PECR: variants seen among roughly 807,000 people sequenced by gnomAD.
PECR encodes the protein peroxisomal trans-2-enoyl-CoA reductase, also known as 2,4-dienoyl-CoA reductase-related protein.
Under a neutral mutation model 35.3 loss-of-function variants are expected in PECR, and 30 were observed. The observed-to-expected ratio is 0.85, with a 90% CI of 0.64 to 1.15. PECR has a LOEUF of 1.15. Ranked by LOEUF, PECR falls within the 50% of genes most tolerant of loss-of-function variation. The pLI, the probability that PECR is intolerant of heterozygous loss-of-function variation, is 0.00. For synonymous variants in PECR, 148 were observed against 138.9 expected (o/e 1.07, Z -0.46); for missense variants, 392 against 370.8 (o/e 1.06, Z -0.47).
At chr2:216,060,727 G>A (rs1695322485) in intron 3 of PECR, among the ~76,000 whole-genome samples, 1 of 152,012 alleles carries the variant, frequency 6.6e-6, no homozygotes, top group Non-Finnish European at 1.5e-5. Context: ...AGGGAACTAG[G>A]TCTTCTTGGA....
At chr2:216,057,356 A>G (rs1695249967) in intron 4 of PECR, among the ~76,000 whole-genome samples, 1 of 152,200 alleles carries the variant, frequency 6.6e-6, no homozygotes, top group African/African-American at 2.4e-5. Context: ...CATATTAGCC[A>G]TAAAAAAATA....
intron 4 of PECR, chr2:216,058,008 G>T (rs1281895831): frequency 6.6e-6 from 1 of 152,234 alleles, no homozygotes; most frequent in East Asian, 1.9e-4. Context: ...GCCTGCCTGA[G>T]AATGTACGCA....
chr2:216,043,147 G>C (rs1443185845), intron 7 of PECR, among the ~76,000 whole-genome samples: 4 of 141,204 alleles, frequency 2.8e-5, no homozygotes, highest in African/African-American at 1.1e-4. Flanking sequence ...TCACTCTGTC[G>C]CCCAGGCTAG....
intron 1 of PECR, among the ~76,000 whole-genome samples, chr2:216,075,212 A>G (rs968936825): frequency 6.6e-6 from 1 of 152,180 alleles, no homozygotes; most frequent in African/African-American, 2.4e-5. Flanking sequence ...GGCTGCAGTG[A>G]GCTATGATGA....
At chr2:216,029,999 A>C (rs751558785) in intron 7 of PECR, among the ~76,000 whole-genome samples, 13 of 152,200 alleles carry the variant, frequency 8.5e-5, no homozygotes, top group Non-Finnish European at 1.8e-4. Context: ...ATGGTGGACC[A>C]GTCTCCCACT....
chr2:216,056,676 G>A (rs1258253352), intron 4 of PECR, among the ~76,000 whole-genome samples: 2 of 142,624 alleles, frequency 1.4e-5, no homozygotes, highest in East Asian at 2.1e-4. Context: ...AGCCAAGATC[G>A]CCCCATTGCA....
intron 1 of PECR, among the ~76,000 whole-genome samples, chr2:216,079,342 C>T (rs1256719058): frequency 6.6e-6 from 1 of 151,764 alleles, no homozygotes; most frequent in Non-Finnish European, 1.5e-5. Flanking sequence ...TTATAAACTT[C>T]CTTCCAGTCC....
intron 1 of PECR, among the ~76,000 whole-genome samples, chr2:216,074,558 A>AAG (rs987354463): frequency 1.3e-5 from 2 of 150,786 alleles, no homozygotes; most frequent in South Asian, 2.1e-4. Flanking sequence ...GGAAGGAAGG[A>AAG]AGAGAGAGAG....
At chr2:216,058,484 G>C (rs1228955029) in intron 4 of PECR, among the ~76,000 whole-genome samples, 1 of 152,098 alleles carries the variant, frequency 6.6e-6, no homozygotes. Flanking sequence ...TAGCAGTCCT[G>C]TGTAAAATCA....
intron 7 of PECR, among the ~76,000 whole-genome samples, chr2:216,042,204 GCTGGGGT>G (rs935929944): frequency 2.6e-5 from 4 of 152,320 alleles, no homozygotes; most frequent in African/African-American, 9.6e-5. Context: ...AGGACGCCCA[GCTGGGGT>G]CTGCTGCAGA....
intron 3 of PECR, among the ~76,000 whole-genome samples, chr2:216,060,067 G>C (rs1351673163): frequency 1.3e-5 from 2 of 152,028 alleles, no homozygotes; most frequent in Non-Finnish European, 2.9e-5. Flanking sequence ...ATTTCTCTCA[G>C]CAATGTCTGG....
At chr2:216,051,104 G>A (rs1027450556) in intron 5 of PECR, among the ~76,000 whole-genome samples, 3 of 150,426 alleles carry the variant, frequency 2.0e-5, no homozygotes, top group Non-Finnish European at 4.4e-5. Context: ...AGGGCAATAT[G>A]GTGAAAACCC....
chr2:216,056,644 C>G (rs1228516217), intron 4 of PECR, among the ~76,000 whole-genome samples: 1 of 150,886 alleles, frequency 6.6e-6, no homozygotes, highest in African/African-American at 2.4e-5. Flanking sequence ...TCACTTGAAC[C>G]CAGGAGGCAG....
chr2:216,030,967 C>CAA (rs1694678818), intron 7 of PECR, among the ~76,000 whole-genome samples: 2 of 149,802 alleles, frequency 1.3e-5, no homozygotes, highest in Non-Finnish European at 3.0e-5. Flanking sequence ...CACACACACA[C>CAA]ACACACACAC....
chr2:216,055,448 A>C (rs891075401), intron 4 of PECR, among the ~76,000 whole-genome samples: 7 of 140,080 alleles, frequency 5.0e-5, no homozygotes, highest in Non-Finnish European at 1.1e-4. Flanking sequence ...AAAAAAAAAA[A>C]ACAAAAAAAC....
chr2:216,065,132 T>G (rs1040455036), intron 3 of PECR, 180 bp downstream of exon 3: 1 of 640,204 alleles, frequency 1.6e-6, no homozygotes, highest in East Asian at 2.7e-5. Flanking sequence ...TTGAAGGATA[T>G]CCACATTTTA....
chr2:216,046,376 T>C (rs1242523103), intron 6 of PECR, among the ~76,000 whole-genome samples: 2 of 144,978 alleles, frequency 1.4e-5, no homozygotes, highest in East Asian at 4.0e-4. Context: ...AGTGGCGCAA[T>C]CTCTGCTCAC....
chr2:216,054,371 CTTTTTTTTTT>C (rs34214360), intron 4 of PECR, among the ~76,000 whole-genome samples: 4 of 102,782 alleles, frequency 3.9e-5, no homozygotes, highest in Non-Finnish European at 5.8e-5. Context: ...TTTTTTCTTT[CTTTTTTTTTT>C]TTTTTTTTTG....
chr2:216,031,673 A>AAG (rs72139324), intron 7 of PECR, among the ~76,000 whole-genome samples: 9 of 121,270 alleles, frequency 7.4e-5, no homozygotes, highest in African/African-American at 2.1e-4. Context: ...GAAAGAAAGA[A>AAG]AGAAAGAAAG....
Sources: gnomAD v4.1 joint callset for allele counts (sites outside exome capture counted in the v4.1 genomes callset) on GRCh38, gnomAD v4.1.1 for gene constraint, MANE v1.5 for transcripts, NCBI Gene and HGNC (gene_info 2026-07-23, HGNC 2026-07-21) for gene names.